GPA33: variants seen among roughly 807,000 people sequenced by gnomAD.
GPA33 encodes cell surface A33 antigen.
GPA33 carries 27 observed loss-of-function variants against 35.6 expected under a neutral mutation model. The ratio of observed to expected loss-of-function variants is 0.76; its 90% CI spans 0.56 to 1.04. The LOEUF (loss-of-function observed/expected upper bound fraction) is 1.04, where lower values mean the gene tolerates loss of function less well. Among genes scored for constraint, GPA33 ranks in the 50% least tolerant of loss-of-function variants. The pLI, the probability that GPA33 is intolerant of heterozygous loss-of-function variation, is 0.00. For synonymous variants in GPA33, 176 were observed against 164.0 expected (o/e 1.07, Z -0.56); for missense variants, 428 against 411.9 (o/e 1.04, Z -0.34).
chr1:167,055,976 A>G (rs946766279), intron 4 of GPA33, 127 bp from the exon 5 acceptor site: 2 of 882,840 alleles, frequency 2.3e-6, no homozygotes, highest in Non-Finnish European at 3.6e-6. Flanking sequence ...CCGGAGCCCC[A>G]TGTCCACCTC....
In GPA33 at chr1:167,054,284, G is replaced by T. The variant is rs367913743; in HGVS notation, c.*50C>A. The T allele has an allele frequency of 6.2e-7, 1 of 1,606,718 alleles. No individual in the cohort carries two copies. Among genetic ancestry groups the T allele is most frequent in the East Asian group, 2.2e-5 (1 of 44,822 alleles). ...GAAAGGAGAAGGGAGGCCAGGAAGC[G>T]GGAGAATGAACCCCTAACCCTTCCT... is the stretch of plus-strand genomic sequence containing the variant. On this transcript the variant is annotated 3_prime_UTR_variant, in exon 7 of 7. Transcript: ENST00000367868.
chr1:167,065,751 A>T (rs759157045), intron 3 of GPA33, among the ~76,000 whole-genome samples: 4 of 152,138 alleles, frequency 2.6e-5, no homozygotes, highest in Admixed American at 1.3e-4. Context: ...AGGGCTGGCC[A>T]GGTGTGGGGC....
chr1:167,059,865 C>A (rs1194522536), intron 4 of GPA33, among the ~76,000 whole-genome samples: 3 of 152,102 alleles, frequency 2.0e-5, no homozygotes, highest in Non-Finnish European at 4.4e-5. Context: ...ATTCTGGATT[C>A]CCTGTTCTTT....
intron 4 of GPA33, among the ~76,000 whole-genome samples, chr1:167,060,528 C>G (rs1210416699): frequency 6.6e-6 from 1 of 151,790 alleles, no homozygotes; most frequent in East Asian, 1.9e-4. Context: ...CCCATTCTGA[C>G]TCAGCAAATC....
At chr1:167,056,745 G>A (rs1666293597) in intron 4 of GPA33, among the ~76,000 whole-genome samples, 265 of 5,420 alleles carry the variant, frequency 0.049, no homozygotes, top group Non-Finnish European at 0.055. Flanking sequence ...TGGTGTGTGT[G>A]GTGTGTGTAT....
At chr1:167,065,144 GGGTGGGTCA>G (rs1466542137) in intron 3 of GPA33, among the ~76,000 whole-genome samples, 8 of 152,314 alleles carry the variant, frequency 5.3e-5, no homozygotes, top group African/African-American at 1.9e-4. Context: ...AGGACACAGT[GGGTGGGTCA>G]AGGAATCTAG....
chr1:167,080,873 T>C (rs1040961267), intron 1 of GPA33, among the ~76,000 whole-genome samples: 2 of 152,190 alleles, frequency 1.3e-5, no homozygotes, highest in Admixed American at 6.5e-5. Context: ...ATGAATGAAT[T>C]ATAGAGAACT....
intron 5 of GPA33, 51 bp downstream of exon 5, chr1:167,055,679 A>G (rs1558001046): frequency 1.9e-6 from 3 of 1,604,130 alleles, no homozygotes; most frequent in African/African-American, 2.7e-5. Flanking sequence ...CTGGACCCCC[A>G]CCAGTTATCC....
chr1:167,083,694 T>A (rs930996552), intron 1 of GPA33, among the ~76,000 whole-genome samples: 2 of 152,020 alleles, frequency 1.3e-5, no homozygotes, highest in African/African-American at 4.8e-5. Flanking sequence ...CCTTTTGAGC[T>A]GAGATTGAAA....
chr1:167,067,365 G>C (rs1666622510), intron 3 of GPA33, among the ~76,000 whole-genome samples: 1 of 152,028 alleles, frequency 6.6e-6, no homozygotes, highest in Non-Finnish European at 1.5e-5. Flanking sequence ...GCCTCCTAAA[G>C]TGCTGGGATT....
intron 4 of GPA33, among the ~76,000 whole-genome samples, chr1:167,056,566 G>GTAGA (rs1184954731): frequency 2.3e-4 from 4 of 17,706 alleles, no homozygotes; most frequent in East Asian, 1.4e-3. Context: ...TATGGTATGT[G>GTAGA]GTGTGTGTGG....
intron 2 of GPA33, among the ~76,000 whole-genome samples, chr1:167,071,338 C>T (rs1666715020): frequency 6.6e-6 from 1 of 152,158 alleles, no homozygotes; most frequent in African/African-American, 2.4e-5. Context: ...AAAGAGGTTG[C>T]TGTTGATTTC....
At chr1:167,057,022 G>A (rs1042243270) in intron 4 of GPA33, among the ~76,000 whole-genome samples, 2 of 149,546 alleles carry the variant, frequency 1.3e-5, no homozygotes, top group African/African-American at 4.9e-5. Context: ...TGTGATGTGT[G>A]GTGTGTGTTG....
At chr1:167,069,322 T>TG (rs1558007519) in intron 2 of GPA33, among the ~76,000 whole-genome samples, 184 bp from the exon 3 acceptor site, 1 of 152,110 alleles carries the variant, frequency 6.6e-6, no homozygotes, top group Non-Finnish European at 1.5e-5. Context: ...ATATATATAT[T>TG]TTTTTAGTTT....
intron 1 of GPA33, among the ~76,000 whole-genome samples, chr1:167,077,021 C>T (rs914627391): frequency 2.6e-5 from 4 of 152,060 alleles, no homozygotes; most frequent in African/African-American, 9.7e-5. Context: ...GCCTGGCCAA[C>T]ATGGTAAAAC....
intron 1 of GPA33, among the ~76,000 whole-genome samples, 155 bp from the exon 2 acceptor site, chr1:167,073,694 G>C (rs1185551246): frequency 6.6e-6 from 1 of 152,162 alleles, no homozygotes; most frequent in Non-Finnish European, 1.5e-5. Context: ...CTGGCAACCA[G>C]CTTCTCCTCC....
chr1:167,063,850 G>A, intron 3 of GPA33, 113 bp from the exon 4 acceptor site: 2 of 702,120 alleles, frequency 2.8e-6, no homozygotes, highest in Non-Finnish European at 4.5e-6. Context: ...TTGTTCACAG[G>A]CAGAAAACTC....
intron 4 of GPA33, among the ~76,000 whole-genome samples, chr1:167,061,954 C>T (rs1434085107): frequency 6.6e-6 from 1 of 151,956 alleles, no homozygotes; most frequent in Admixed American, 6.6e-5. Flanking sequence ...TGTGTGCATC[C>T]GTCCGGCTGG....
chr1:167,065,532 C>T (rs34446188), intron 3 of GPA33, among the ~76,000 whole-genome samples: 4,861 of 152,252 alleles, frequency 0.032, 114 homozygotes, highest in Non-Finnish European at 0.049. Flanking sequence ...ATGGCTTGCT[C>T]GCTCAATAAA....
Sources: allele counts gnomAD v4.1 joint callset (sites outside exome capture counted in the v4.1 genomes callset), GRCh38; gene constraint gnomAD v4.1.1; transcripts MANE v1.5; gene names NCBI Gene and HGNC (gene_info 2026-07-23, HGNC 2026-07-21).